RAP1GAP2: variants seen among roughly 807,000 people sequenced by gnomAD.
RAP1GAP2 encodes the protein RAP1 GTPase activating protein 2, also known as rap1 GTPase-activating protein 2.
In RAP1GAP2, 27 loss-of-function variants were observed where a neutral mutation model predicts 95.0. That is an observed-to-expected ratio of 0.28 (90% confidence interval 0.21 to 0.39). RAP1GAP2 has a LOEUF of 0.39. Ranked by LOEUF, RAP1GAP2 falls within the 10% of genes least tolerant of loss-of-function variation. The pLI is 1.00. For synonymous variants in RAP1GAP2, 373 were observed against 380.9 expected (o/e 0.98, Z 0.24); for missense variants, 771 against 970.0 (o/e 0.79, Z 2.72).
At chr17:2,833,529 A>G (rs2070994598) in intron 2 of RAP1GAP2, among the ~76,000 whole-genome samples, 3 of 151,986 alleles carry the variant, frequency 2.0e-5, no homozygotes, top group Admixed American at 2.0e-4. Flanking sequence ...TTTCTACTAA[A>G]AATACAAAAA....
intron 2 of RAP1GAP2, among the ~76,000 whole-genome samples, chr17:2,879,403 A>G (rs1567735741): frequency 1.3e-5 from 2 of 151,468 alleles, no homozygotes; most frequent in African/African-American, 4.8e-5. Flanking sequence ...GGCGTGAGCC[A>G]CTGCGCCCGG....
At chr17:2,876,188 C>T (rs924867575) in intron 2 of RAP1GAP2, among the ~76,000 whole-genome samples, 3 of 152,042 alleles carry the variant, frequency 2.0e-5, no homozygotes, top group Non-Finnish European at 4.4e-5. Context: ...CTGCCTGCCT[C>T]GGCCTCTCAA....
At chr17:2,809,130 G>T (rs2069648517) in intron 2 of RAP1GAP2, among the ~76,000 whole-genome samples, 1 of 152,170 alleles carries the variant, frequency 6.6e-6, no homozygotes, top group East Asian at 1.9e-4. Context: ...CTCCTGGCCA[G>T]TCCCTGCCAT....
chr17:2,759,837 C>T (rs1195664098), intron 1 of RAP1GAP2, among the ~76,000 whole-genome samples: 1 of 152,130 alleles, frequency 6.6e-6, no homozygotes, highest in Non-Finnish European at 1.5e-5. Flanking sequence ...GCATTTGCCT[C>T]CCGAAGTGTT....
chr17:2,972,935 G>A (rs1040917067), intron 8 of RAP1GAP2, among the ~76,000 whole-genome samples: 8 of 152,130 alleles, frequency 5.3e-5, no homozygotes, highest in African/African-American at 1.9e-4. Context: ...CAAATGCACT[G>A]CGTTTTAGAG....
intron 2 of RAP1GAP2, among the ~76,000 whole-genome samples, chr17:2,806,068 T>G (rs966284980): frequency 6.6e-6 from 1 of 152,198 alleles, no homozygotes; most frequent in Non-Finnish European, 1.5e-5. Context: ...GCTCTGTGAT[T>G]TCTTCCCTAG....
At chr17:2,980,698 C>T (rs180946138) in intron 9 of RAP1GAP2, among the ~76,000 whole-genome samples, 140 of 152,238 alleles carry the variant, frequency 9.2e-4, no homozygotes, top group Admixed American at 1.9e-3. Flanking sequence ...GTAGGACTTC[C>T]GTGGAGGGGT....
chr17:2,903,715 A>G lies in RAP1GAP2; in HGVS notation c.81-1569A>G, dbSNP rs1260321094. ...GAATGGATTCTCTGCCAAGCCAGGT[A>G]GTCCCCAGGCCCCTGATGTGGCTCC... On this transcript the variant is annotated intron_variant, in intron 2 of 24. Transcript: ENST00000254695. The surrounding 1 kb of genome is among the most constrained non-coding windows in gnomAD (Gnocchi z 4.1). Among the ~76,000 whole-genome samples, 2 of 152,038 alleles carry G rather than the reference A, an allele frequency of 1.3e-5. No homozygotes were observed. Among genetic ancestry groups the G allele is most frequent in the Non-Finnish European group, 2.9e-5 (2 of 68,020 alleles).
rs977628899 is a variant in RAP1GAP2, at chr17:2,903,228, C to T, written c.81-2056C>T. On this transcript the variant is annotated intron_variant, in intron 2 of 24. Transcript: ENST00000254695. The surrounding 1 kb of genome is among the most constrained non-coding windows in gnomAD (Gnocchi z 4.1). ...CCGAAGAGGACCTGAGGGTGATGCC[C>T]TCCTGCTTGATCATTCTTCCTTTCC... Among the ~76,000 whole-genome samples the T allele has an allele frequency of 6.6e-6, 1 of 152,142 alleles. No homozygotes were observed. The highest frequency in any genetic ancestry group is 2.4e-5 in the African/African-American group (1 of 41,428).
chr17:3,007,391 C>T (rs552657518), intron 16 of RAP1GAP2, among the ~76,000 whole-genome samples: 9 of 152,246 alleles, frequency 5.9e-5, no homozygotes, highest in East Asian at 3.9e-4. Context: ...AAGCTATTTA[C>T]AGGAATGCAG....
At chr17:2,999,333 A>C (rs1012463733) in intron 14 of RAP1GAP2, among the ~76,000 whole-genome samples, 1 of 152,188 alleles carries the variant, frequency 6.6e-6, no homozygotes. Context: ...CTTTCAAGGC[A>C]AGGGTTAGGC....
At chr17:2,891,835 TTTTTTG>T (rs2073733043) in intron 2 of RAP1GAP2, among the ~76,000 whole-genome samples, 1 of 137,942 alleles carries the variant, frequency 7.2e-6, no homozygotes, top group African/African-American at 2.8e-5. Flanking sequence ...TTTTTTTTTT[TTTTTTG>T]AGACAGAGTT....
chr17:2,775,632 C>A (rs1046607462), upstream of RAP1GAP2, among the ~76,000 whole-genome samples: 3 of 152,072 alleles, frequency 2.0e-5, no homozygotes, highest in African/African-American at 7.2e-5. Context: ...CAGACAGAAG[C>A]GAAAACTTCT....
intron 2 of RAP1GAP2, among the ~76,000 whole-genome samples, chr17:2,805,693 C>T (rs1460442022): frequency 6.6e-6 from 1 of 152,050 alleles, no homozygotes; most frequent in Non-Finnish European, 1.5e-5. Context: ...CTCCTTTTTG[C>T]TACCCTCTGT....
At position 2,803,940 on chromosome 17, in the gene RAP1GAP2, CA is replaced by C. The variant is rs1263452854; in HGVS notation, c.80+3391del. Reference sequence around the variant, plus strand: ...TATTGCAAAGCTATGGTTATTAAGACAGTGTGGTACGGACATAAAGATGGAC... The same window carrying C: ...TATTGCAAAGCTATGGTTATTAAGACGTGTGGTACGGACATAAAGATGGAC... On this transcript the variant is annotated intron_variant, in intron 2 of 24. Transcript: ENST00000254695. Among the ~76,000 whole-genome samples the C allele has an allele frequency of 2.0e-5, 3 of 152,298 alleles. No individual in the cohort carries two copies. In the East Asian group the frequency reaches 5.8e-4, roughly 29 times the overall value.
At chr17:2,802,774 G>T (rs1470005750) in intron 2 of RAP1GAP2, among the ~76,000 whole-genome samples, 1 of 152,136 alleles carries the variant, frequency 6.6e-6, no homozygotes, top group African/African-American at 2.4e-5. Context: ...GGAGGAGGTG[G>T]CCTCTAAAGT....
intron 3 of RAP1GAP2, among the ~76,000 whole-genome samples, chr17:2,908,718 TAAAAA>T (rs947923530): frequency 6.6e-6 from 1 of 151,638 alleles, no homozygotes; most frequent in Non-Finnish European, 1.5e-5. Context: ...TCTTTTAAAT[TAAAAA>T]AAAATTTTAG....
chr17:2,910,941 C>T (rs1367870096), intron 3 of RAP1GAP2, among the ~76,000 whole-genome samples: 1 of 152,160 alleles, frequency 6.6e-6, no homozygotes, highest in Non-Finnish European at 1.5e-5. Context: ...TCAAGTGATC[C>T]GCCAGCCTTG....
chr17:2,810,253 C>A (rs1253537250), intron 2 of RAP1GAP2, among the ~76,000 whole-genome samples: 1 of 152,116 alleles, frequency 6.6e-6, no homozygotes, highest in Non-Finnish European at 1.5e-5. Context: ...CCCCGATGGC[C>A]TTCCCTGGGG....
Sources: allele counts gnomAD v4.1 joint callset (sites outside exome capture counted in the v4.1 genomes callset), GRCh38; gene constraint gnomAD v4.1.1; non-coding constraint Gnocchi (gnomAD v3.1); transcripts MANE v1.5; gene names NCBI Gene and HGNC (gene_info 2026-07-23, HGNC 2026-07-21).